The following SEMA5A variants were observed in gnomAD, a reference collection of about 807,000 sequenced individuals.
The protein encoded by SEMA5A is semaphorin 5A.
In SEMA5A, 55 loss-of-function variants were observed where a neutral mutation model predicts 135.5. The observed-to-expected ratio is 0.41, with a 90% CI of 0.33 to 0.51. SEMA5A has a LOEUF of 0.51. Ranked by LOEUF, SEMA5A falls within the 20% of genes least tolerant of loss-of-function variation. SEMA5A has a pLI of 0.37. For missense variants in SEMA5A, 1,290 were observed against 1,419.9 expected (o/e 0.91, Z 1.47); for synonymous variants, 580 against 546.5 (o/e 1.06, Z -0.85).
chr5:9,303,512 T>C (rs1045148205), intron 5 of SEMA5A, among the ~76,000 whole-genome samples: 2 of 152,172 alleles, frequency 1.3e-5, no homozygotes, highest in Non-Finnish European at 2.9e-5. Context: ...TTTTTAAGTT[T>C]ACACACATAG....
chr5:9,068,956 C>T (rs531315658), intron 16 of SEMA5A, among the ~76,000 whole-genome samples: 2 of 152,140 alleles, frequency 1.3e-5, no homozygotes, highest in African/African-American at 4.8e-5. Context: ...ACCAAGAGTC[C>T]TCTCTCAGCA....
chr5:9,429,876 C>G (rs753459363), intron 2 of SEMA5A, among the ~76,000 whole-genome samples: 8 of 152,166 alleles, frequency 5.3e-5, no homozygotes, highest in Non-Finnish European at 1.2e-4. Flanking sequence ...AGGGAGGAAG[C>G]TGGCTTTCCA....
intron 3 of SEMA5A, among the ~76,000 whole-genome samples, chr5:9,366,840 G>A (rs1561191392): frequency 1.3e-5 from 2 of 152,222 alleles, no homozygotes; most frequent in Non-Finnish European, 2.9e-5. Flanking sequence ...CTTAGATATA[G>A]TAGCCCTATG....
chr5:9,434,191 A>G (rs575773591), intron 2 of SEMA5A, among the ~76,000 whole-genome samples: 1 of 152,298 alleles, frequency 6.6e-6, no homozygotes, highest in African/African-American at 2.4e-5. Flanking sequence ...ATACATTAAA[A>G]CAAGGGTTTT....
chr5:9,372,383 G>A lies in SEMA5A; in HGVS notation c.124+7440C>T, dbSNP rs13354098. Among the ~76,000 whole-genome samples the A allele has an allele frequency of 1.2e-3, 184 of 151,834 alleles. 1 individual carries two copies. Among genetic ancestry groups the A allele is most frequent in the African/African-American group, 4.3e-3 (177 of 41,400 alleles). On this transcript the variant is annotated intron_variant, in intron 3 of 22. Transcript: ENST00000382496. ...CTGTGGGACACGCGTGGAGCCATGC[G>A]GCATGCAAGGAGATGTGGACGTGCA...
intron 1 of SEMA5A, among the ~76,000 whole-genome samples, chr5:9,503,179 T>C (rs1032435113): frequency 2.0e-5 from 3 of 152,156 alleles, no homozygotes; most frequent in Non-Finnish European, 4.4e-5. Context: ...GTGAAACCAC[T>C]CATCCATTTG....
intron 4 of SEMA5A, among the ~76,000 whole-genome samples, chr5:9,327,364 T>C (rs1013937762): frequency 1.3e-5 from 2 of 152,202 alleles, no homozygotes; most frequent in African/African-American, 2.4e-5. Flanking sequence ...GTTAATACTG[T>C]TACGTGTGTC....
chr5:9,109,921 T>C (rs1740148557), intron 15 of SEMA5A, among the ~76,000 whole-genome samples: 1 of 152,072 alleles, frequency 6.6e-6, no homozygotes, highest in East Asian at 1.9e-4. Flanking sequence ...TTCCTGACAG[T>C]GAATGCTGGT....
At chr5:9,173,357 A>G (rs1473003014) in intron 11 of SEMA5A, among the ~76,000 whole-genome samples, 1 of 147,482 alleles carries the variant, frequency 6.8e-6, no homozygotes, top group Non-Finnish European at 1.5e-5. Context: ...CAACTTTAGG[A>G]GCATCTTTAG....
chr5:9,140,430 C>A (rs751363673), intron 12 of SEMA5A, among the ~76,000 whole-genome samples: 2 of 152,204 alleles, frequency 1.3e-5, no homozygotes, highest in African/African-American at 2.4e-5. Context: ...AGTAACTTTG[C>A]ATGTGCAGTG....
chr5:9,135,642 C>T (rs1741695757), intron 13 of SEMA5A, among the ~76,000 whole-genome samples: 1 of 152,198 alleles, frequency 6.6e-6, no homozygotes, highest in South Asian at 2.1e-4. Flanking sequence ...GAATGTGCCA[C>T]ACCTCTGTCT....
chr5:9,468,456 G>A (rs1759345898), intron 1 of SEMA5A, among the ~76,000 whole-genome samples: 1 of 152,076 alleles, frequency 6.6e-6, no homozygotes, highest in African/African-American at 2.4e-5. Context: ...CTTAGTGGGG[G>A]TTTTAATCCT....
Position 9,044,495 on chromosome 5 carries a change from G to A in SEMA5A, c.2983C>T (p.Arg995Trp), listed in dbSNP as rs772713334. ...GCATCGTGGGATTGCTGCTGGTACC[G>A]CTGGCAGTAAGTATAGACGAGCAGG... is the stretch of plus-strand genomic sequence containing the variant. ...LTLLVYTYCQ[R>W]YQQQSHDATV... Residue 995 changes from arginine to tryptophan, a missense_variant, in exon 22 of 23, where the codon CGG (arginine) becomes TGG (tryptophan). By Grantham distance (101) the Arg-to-Trp change is moderately radical. Transcript: ENST00000382496. The A allele has an allele frequency of 1.9e-5, 30 of 1,613,952 alleles. No individual in the cohort carries two copies. The highest frequency in any genetic ancestry group is 1.3e-4 in the African/African-American group (10 of 75,016).
intron 2 of SEMA5A, among the ~76,000 whole-genome samples, chr5:9,417,352 G>A (rs1215576773): frequency 1.3e-5 from 2 of 152,124 alleles, no homozygotes; most frequent in Non-Finnish European, 1.5e-5. Flanking sequence ...CCATATTTAC[G>A]TGTGCACATT....
At chr5:9,499,068 C>T (rs1049021984) in intron 1 of SEMA5A, among the ~76,000 whole-genome samples, 5 of 152,170 alleles carry the variant, frequency 3.3e-5, no homozygotes, top group Admixed American at 1.3e-4. Flanking sequence ...GCGAAAGGTC[C>T]TCCTCCTACC....
At chr5:9,268,016 T>C (rs1397197709) in intron 5 of SEMA5A, among the ~76,000 whole-genome samples, 1 of 152,124 alleles carries the variant, frequency 6.6e-6, no homozygotes, top group Non-Finnish European at 1.5e-5. Context: ...ATAAATTGAG[T>C]AATAAAAATA....
intron 13 of SEMA5A, among the ~76,000 whole-genome samples, chr5:9,135,267 G>C (rs1165718520): frequency 6.8e-6 from 1 of 146,440 alleles, no homozygotes; most frequent in African/African-American, 2.5e-5. Context: ...TGCAAGCTCT[G>C]CCTCCCGAGT....
At chr5:9,394,003 A>G (rs905016941) in intron 2 of SEMA5A, among the ~76,000 whole-genome samples, 7 of 152,238 alleles carry the variant, frequency 4.6e-5, no homozygotes, top group Non-Finnish European at 7.3e-5. Context: ...AAAGAATAAT[A>G]TAGTAAATCA....
At chr5:9,477,696 A>G (rs1298665933) in intron 1 of SEMA5A, among the ~76,000 whole-genome samples, 3 of 152,194 alleles carry the variant, frequency 2.0e-5, no homozygotes, top group Non-Finnish European at 2.9e-5. Context: ...ATTACTCAAG[A>G]TGTGACCTGG....
Sources: allele counts gnomAD v4.1 joint callset (sites outside exome capture counted in the v4.1 genomes callset), GRCh38; gene constraint gnomAD v4.1.1; transcripts MANE v1.5; gene names NCBI Gene and HGNC (gene_info 2026-07-23, HGNC 2026-07-21).